LOC112694756: variants seen among roughly 807,000 people sequenced by gnomAD.
At chr16:30,062,565 G>A in the LOC112694756 span, among the ~76,000 whole-genome samples, 2 of 150,796 alleles carry the variant, frequency 1.3e-5, no homozygotes, top group Non-Finnish European at 3.0e-5. Flanking sequence ...AAAATGAGCC[G>A]AGCACGGTGG....
At chr16:30,066,886 C>T in the LOC112694756 span, 2 of 1,548,030 alleles carry the variant, frequency 1.3e-6, no homozygotes, top group Non-Finnish European at 1.7e-6. Flanking sequence ...TGTTTTCAGG[C>T]AAGGTGACCC....
the LOC112694756 span, chr16:30,066,774 T>A: frequency 7.9e-7 from 1 of 1,272,080 alleles, no homozygotes; most frequent in African/African-American, 1.5e-5. Flanking sequence ...CTGTGTGGCT[T>A]GAAGCACAGA....
the LOC112694756 span, chr16:30,067,064 A>G: frequency 6.4e-7 from 1 of 1,574,592 alleles, no homozygotes; most frequent in Non-Finnish European, 8.6e-7. Flanking sequence ...TAGCAAAGGG[A>G]AGTTGGGCGT....
chr16:30,069,596 C>G, the LOC112694756 span: 2 of 1,614,006 alleles, frequency 1.2e-6, no homozygotes, highest in Non-Finnish European at 1.7e-6. Context: ...CATGCTTGCA[C>G]TCAGAAGTTT....
chr16:30,070,065 T>TG, the LOC112694756 span: 2 of 1,613,484 alleles, frequency 1.2e-6, no homozygotes, highest in Non-Finnish European at 1.7e-6. Context: ...GGTGCCTGGG[T>TG]GGATGGGACT....
At chr16:30,066,867 G>T in the LOC112694756 span, 2 of 1,545,740 alleles carry the variant, frequency 1.3e-6, no homozygotes, top group Non-Finnish European at 1.7e-6. Flanking sequence ...AAATACTCCG[G>T]TTCGGTTTTG....
chr16:30,067,073 G>T, the LOC112694756 span: 1 of 1,572,136 alleles, frequency 6.4e-7, no homozygotes, highest in Non-Finnish European at 8.6e-7. Context: ...GAAGTTGGGC[G>T]TAAGAGAGAG....
At chr16:30,069,316 T>A in the LOC112694756 span, 1 of 1,614,174 alleles carries the variant, frequency 6.2e-7, no homozygotes, top group Non-Finnish European at 8.5e-7. Context: ...AATGGCATTG[T>A]GCCCATCGTG....
At chr16:30,069,541 T>C in the LOC112694756 span, 1 of 1,614,152 alleles carries the variant, frequency 6.2e-7, no homozygotes, top group South Asian at 1.1e-5. Context: ...CCACCACATC[T>C]ACCTGGAAGG....
chr16:30,055,158 AC>A, the LOC112694756 span: 2 of 398,738 alleles, frequency 5.0e-6, no homozygotes, highest in African/African-American at 4.1e-5. Flanking sequence ...CACATCCTGA[AC>A]CCTGTGACCT....
the LOC112694756 span, chr16:30,053,168 G>C: frequency 7.2e-5 from 11 of 152,490 alleles, no homozygotes; most frequent in Non-Finnish European, 1.6e-4. Context: ...CGGACGATTG[G>C]ACCTAGCTTG....
At chr16:30,057,868 T>C in the LOC112694756 span, among the ~76,000 whole-genome samples, 3 of 151,820 alleles carry the variant, frequency 2.0e-5, no homozygotes, top group Admixed American at 6.6e-5. Context: ...TAGGCAGAGA[T>C]TGCGGTGAGC....
the LOC112694756 span, chr16:30,069,776 C>T: frequency 1.2e-6 from 2 of 1,612,782 alleles, no homozygotes; most frequent in Non-Finnish European, 8.5e-7. Flanking sequence ...CCAGCTCCTG[C>T]CAGCTTCCTG....
the LOC112694756 span, among the ~76,000 whole-genome samples, chr16:30,059,538 T>C: frequency 1.3e-5 from 2 of 150,968 alleles, no homozygotes; most frequent in African/African-American, 2.4e-5. Context: ...CTCTTTCTTT[T>C]TTTTTTTTTT....
the LOC112694756 span, chr16:30,054,712 C>T: frequency 1.5e-5 from 6 of 399,244 alleles, no homozygotes; most frequent in Admixed American, 1.8e-4. Context: ...CCTCCTCGTC[C>T]CTCATGGTAT....
At chr16:30,055,406 CATTT>C in the LOC112694756 span, 1 of 397,898 alleles carries the variant, frequency 2.5e-6, no homozygotes, top group Admixed American at 4.4e-5. Flanking sequence ...TGCTCAACAA[CATTT>C]ATTACTGAGC....
the LOC112694756 span, chr16:30,064,923 G>T: frequency 6.2e-6 from 1 of 161,818 alleles, no homozygotes; most frequent in Non-Finnish European, 1.3e-5. Context: ...AGATCAGTTC[G>T]GGGACGGATT....
At chr16:30,060,601 AGG>A in the LOC112694756 span, among the ~76,000 whole-genome samples, 3 of 152,156 alleles carry the variant, frequency 2.0e-5, no homozygotes, top group African/African-American at 7.2e-5. Context: ...AACCCTTCCA[AGG>A]GAGAGAGCCA....
At chr16:30,061,548 C>CTTTTT in the LOC112694756 span, among the ~76,000 whole-genome samples, 150 of 65,626 alleles carry the variant, frequency 2.3e-3, 11 homozygotes, top group African/African-American at 6.5e-3. Flanking sequence ...CCTCCATTTC[C>CTTTTT]TTTTTTTTTT....
Sources: gnomAD v4.1 joint callset for allele counts (sites outside exome capture counted in the v4.1 genomes callset) on GRCh38, gnomAD v4.1.1 for gene constraint, MANE v1.5 for transcripts.